The following DLGAP2 variants were observed in gnomAD, a reference collection of about 807,000 sequenced individuals.
The protein encoded by DLGAP2 is DLG associated protein 2.
DLGAP2 carries 26 observed loss-of-function variants against 100.3 expected under a neutral mutation model. The ratio of observed to expected loss-of-function variants is 0.26; its 90% confidence interval spans 0.19 to 0.36. The LOEUF is 0.36. Ranked by LOEUF, DLGAP2 falls within the 10% of genes least tolerant of loss-of-function variation. The pLI, the probability that DLGAP2 is intolerant of heterozygous loss-of-function variation, is 1.00. For synonymous variants in DLGAP2, 886 were observed against 630.1 expected (o/e 1.41, Z -6.08); for missense variants, 1,858 against 1,453.2 (o/e 1.28, Z -4.53).
At chr8:1,440,548 C>G (rs1797800325) in intron 3 of DLGAP2, among the ~76,000 whole-genome samples, 1 of 152,202 alleles carries the variant, frequency 6.6e-6, no homozygotes, top group Non-Finnish European at 1.5e-5. Flanking sequence ...AAATGTTACA[C>G]AATGCACATT....
chr8:1,696,862 T>C (rs1243435112), intron 13 of DLGAP2, among the ~76,000 whole-genome samples: 1 of 152,238 alleles, frequency 6.6e-6, no homozygotes, highest in Non-Finnish European at 1.5e-5. Context: ...ACTGCTTTTA[T>C]GAGCTGTGAA....
intron 2 of DLGAP2, among the ~76,000 whole-genome samples, chr8:1,242,790 A>G (rs1426692928): frequency 6.6e-6 from 1 of 151,942 alleles, no homozygotes; most frequent in Admixed American, 6.6e-5. Context: ...ATAGACGGAC[A>G]GATAGATGGA....
chr8:1,256,455 CTGTGCGTGTCCTCTCCTGCCTGGGTGCTG>C (rs200037649), intron 2 of DLGAP2, among the ~76,000 whole-genome samples: 1,436 of 124,246 alleles, frequency 0.012, 25 homozygotes, highest in African/African-American at 0.039. Context: ...TGCCCAGGTG[CTGTGCGTGTCCTCTCCTGCCTGGGTGCTG>C]TGTGTGTGTC....
At chr8:1,164,771 C>G (rs1796981955) in intron 2 of DLGAP2, among the ~76,000 whole-genome samples, 1 of 152,130 alleles carries the variant, frequency 6.6e-6, no homozygotes, top group Admixed American at 6.5e-5. Context: ...AAAAGTCATT[C>G]TTTCAGAGAA....
rs533477695 is a variant in DLGAP2 at position 1,269,183 on chromosome 8, C to T, written c.106+10300C>T. ...GGGCCATGTTCGTTGCTGCTTCCTT[C>T]CCTGCCCTTCTCCTGGATTTTCTTG... On this transcript the variant is annotated intron_variant, in intron 3 of 14. Transcript: ENST00000637795. 5.3e-5 allele frequency among the ~76,000 whole-genome samples: 8 copies of T among 152,368 alleles called. No individual in the cohort carries two copies. In the South Asian group the frequency reaches 8.3e-4, roughly 16 times the overall value.
At chr8:1,610,156 A>G (rs1796948454) in intron 6 of DLGAP2, among the ~76,000 whole-genome samples, 1 of 152,114 alleles carries the variant, frequency 6.6e-6, no homozygotes, top group Admixed American at 6.6e-5. Context: ...CTCCTCAGCA[A>G]ATGTGAAAGA....
intron 3 of DLGAP2, among the ~76,000 whole-genome samples, chr8:1,294,736 G>A (rs1459057034): frequency 6.6e-6 from 1 of 152,114 alleles, no homozygotes; most frequent in Non-Finnish European, 1.5e-5. Context: ...GGGTGTGGTG[G>A]TGCACACGTG....
chr8:1,423,664 G>A (rs1369535428), intron 3 of DLGAP2, among the ~76,000 whole-genome samples: 1 of 152,212 alleles, frequency 6.6e-6, no homozygotes, highest in Non-Finnish European at 1.5e-5. Context: ...GAATTGCTCT[G>A]TGCGTTGAGA....
chr8:1,338,849 A>C (rs1309260635), intron 3 of DLGAP2, among the ~76,000 whole-genome samples: 1 of 84,784 alleles, frequency 1.2e-5, no homozygotes, highest in Non-Finnish European at 2.4e-5. Flanking sequence ...CCTGGCAGGG[A>C]ATGCAGTGAC....
rs141654231 is a variant in DLGAP2 at position 1,037,163 on chromosome 8, G to A, written c.73+129197G>A. 6.3e-3 allele frequency among the ~76,000 whole-genome samples: 963 copies of A among 152,222 alleles called. 6 individuals are homozygous for A. Among genetic ancestry groups the A allele is most frequent in the Non-Finnish European group, 9.4e-3 (639 of 68,006 alleles). On this transcript the variant is annotated intron_variant, in intron 2 of 14. Coordinates refer to ENST00000637795, the MANE Select transcript of DLGAP2 (RefSeq NM_001346810.2). Reference sequence around the variant, plus strand: ...CGAGGTGGATTCAGTCCTTCCTGCCGCCTGCACCCAGGGAGCTCAACAGCC... The same window carrying A: ...CGAGGTGGATTCAGTCCTTCCTGCCACCTGCACCCAGGGAGCTCAACAGCC...
chr8:1,195,451 T>A (rs1036635587), intron 2 of DLGAP2, among the ~76,000 whole-genome samples: 1 of 152,200 alleles, frequency 6.6e-6, no homozygotes, highest in Non-Finnish European at 1.5e-5. Context: ...GGCTGCACAG[T>A]GAACCAGGAC....
intron 4 of DLGAP2, among the ~76,000 whole-genome samples, chr8:1,527,901 A>G (rs779671085): frequency 2.6e-5 from 4 of 152,138 alleles, no homozygotes; most frequent in African/African-American, 9.7e-5. Flanking sequence ...TTTATGTTCA[A>G]CTATGCTTTT....
At chr8:1,214,933 C>A (rs920538037) in intron 2 of DLGAP2, among the ~76,000 whole-genome samples, 1 of 152,218 alleles carries the variant, frequency 6.6e-6, no homozygotes, top group African/African-American at 2.4e-5. Flanking sequence ...CTGGCTGAAA[C>A]ACACTAGAAC....
At chr8:987,146 C>A (rs1322767527) in intron 2 of DLGAP2, among the ~76,000 whole-genome samples, 1 of 152,176 alleles carries the variant, frequency 6.6e-6, no homozygotes. Flanking sequence ...TCTCTGCTCT[C>A]CTTCCTATTC....
intron 7 of DLGAP2, 83 bp downstream of exon 7, chr8:1,626,970 A>T: frequency 6.7e-7 from 1 of 1,487,672 alleles, no homozygotes; most frequent in East Asian, 2.5e-5. Flanking sequence ...ATAGGTGGCG[A>T]TGGCGCTGCC....
At chr8:993,909 C>T (rs1800707246) in intron 2 of DLGAP2, among the ~76,000 whole-genome samples, 2 of 148,284 alleles carry the variant, frequency 1.3e-5, no homozygotes, top group African/African-American at 2.5e-5. Context: ...AGAGGCTTGA[C>T]TCTAATAGCA....
At chr8:1,645,732 C>G (rs1308587277) in intron 8 of DLGAP2, among the ~76,000 whole-genome samples, 1 of 152,136 alleles carries the variant, frequency 6.6e-6, no homozygotes, top group Non-Finnish European at 1.5e-5. Context: ...AAATTTTCTT[C>G]CTTTGCTTCA....
intron 2 of DLGAP2, among the ~76,000 whole-genome samples, chr8:1,006,676 C>T (rs1226296056): frequency 7.4e-5 from 7 of 94,876 alleles, no homozygotes; most frequent in Admixed American, 1.3e-4. Flanking sequence ...ACGTCGGGGG[C>T]GCCCTGCGTC....
chr8:1,671,114 C>A (rs1798680130), intron 10 of DLGAP2, among the ~76,000 whole-genome samples: 1 of 152,226 alleles, frequency 6.6e-6, no homozygotes, highest in Non-Finnish European at 1.5e-5. Flanking sequence ...AGTGACTTGC[C>A]TAAGGGCTCA....
Sources: gnomAD v4.1 joint callset for allele counts (sites outside exome capture counted in the v4.1 genomes callset) on GRCh38, gnomAD v4.1.1 for gene constraint, MANE v1.5 for transcripts, NCBI Gene and HGNC (gene_info 2026-07-23, HGNC 2026-07-21) for gene names.